The following TAFA2 variants were observed in gnomAD, a reference collection of about 807,000 sequenced individuals.
TAFA2 encodes the protein TAFA chemokine like family member 2, also known as chemokine-like protein TAFA-2.
TAFA2 carries 7 observed loss-of-function variants against 18.8 expected under a neutral mutation model. The ratio of observed to expected loss-of-function variants is 0.37; its 90% CI spans 0.21 to 0.70. The LOEUF is 0.70. TAFA2 is among the 30% of genes least tolerant of loss of function. The pLI, the probability that TAFA2 is intolerant of heterozygous loss-of-function variation, is 0.53. For missense variants in TAFA2, 122 were observed against 158.1 expected, an observed-to-expected ratio of 0.77 and a Z score of 1.23; for synonymous variants, 60 against 54.2, an observed-to-expected ratio of 1.11 and a Z score of -0.47.
chr12:61,747,898 T>G (rs1353768913), intron 4 of TAFA2, among the ~76,000 whole-genome samples: 1 of 152,078 alleles, frequency 6.6e-6, no homozygotes, highest in Non-Finnish European at 1.5e-5. Context: ...AAGAAATTTT[T>G]AGCCCAAAAA....
chr12:62,137,818 C>T (rs9738002), intron 1 of TAFA2, among the ~76,000 whole-genome samples: 18,164 of 152,038 alleles, frequency 0.12, 1,217 homozygotes, highest in East Asian at 0.32. Context: ...ATCACAGCAT[C>T]GCTCCTGTAT....
At chr12:61,987,760 G>T (rs1365401787) in intron 1 of TAFA2, among the ~76,000 whole-genome samples, 1 of 152,146 alleles carries the variant, frequency 6.6e-6, no homozygotes, top group African/African-American at 2.4e-5. Flanking sequence ...CTTACAAAAG[G>T]TCTCTTTTGT....
At chr12:61,946,285 A>G (rs997821535) in intron 1 of TAFA2, among the ~76,000 whole-genome samples, 1 of 151,044 alleles carries the variant, frequency 6.6e-6, no homozygotes, top group Non-Finnish European at 1.5e-5. Flanking sequence ...TCCCTTCCTT[A>G]CATCTTATAT....
intron 1 of TAFA2, among the ~76,000 whole-genome samples, chr12:62,244,900 T>C (rs1437982882): frequency 1.3e-5 from 2 of 152,208 alleles, no homozygotes; most frequent in South Asian, 2.1e-4. Flanking sequence ...TCTCTTTGTT[T>C]ATTTTCTTAC....
At chr12:62,092,328 C>A (rs9739661) in intron 1 of TAFA2, among the ~76,000 whole-genome samples, 28,228 of 151,902 alleles carry the variant, frequency 0.19, 2,864 homozygotes, top group East Asian at 0.39. Context: ...CCCCATTTCT[C>A]TTCAACTATT....
chr12:61,906,259 C>A (rs985663987), intron 1 of TAFA2, among the ~76,000 whole-genome samples: 1 of 152,162 alleles, frequency 6.6e-6, no homozygotes, highest in Non-Finnish European at 1.5e-5. Flanking sequence ...TTCCCATAAT[C>A]CGCAAATGTC....
intron 1 of TAFA2, among the ~76,000 whole-genome samples, chr12:62,067,431 T>G (rs528063512): frequency 7.4e-4 from 113 of 152,178 alleles, no homozygotes; most frequent in Non-Finnish European, 1.3e-3. Flanking sequence ...TTTCTTTTAG[T>G]AGTTTCAATG....
At chr12:61,897,543 G>A (rs1471040780) in intron 1 of TAFA2, among the ~76,000 whole-genome samples, 1 of 151,608 alleles carries the variant, frequency 6.6e-6, no homozygotes, top group South Asian at 2.1e-4. Flanking sequence ...GCAGGTGAGA[G>A]AGAGAGGAAT....
intron 1 of TAFA2, among the ~76,000 whole-genome samples, chr12:62,076,082 T>C (rs1868247457): frequency 2.0e-5 from 3 of 152,216 alleles, no homozygotes; most frequent in Admixed American, 6.5e-5. Context: ...ACAATATCTT[T>C]AACCTTTGAC....
At chr12:62,016,703 A>G (rs1880947715) in intron 1 of TAFA2, among the ~76,000 whole-genome samples, 1 of 152,266 alleles carries the variant, frequency 6.6e-6, no homozygotes. Flanking sequence ...CCTACCAATC[A>G]TTCATACCGA....
chr12:62,095,364 A>T (rs1331951766), intron 1 of TAFA2, among the ~76,000 whole-genome samples: 3 of 152,128 alleles, frequency 2.0e-5, no homozygotes, highest in Admixed American at 1.3e-4. Flanking sequence ...TGTTATTCTA[A>T]TCATGAGGAA....
At chr12:62,151,619 A>G (rs2062329064) in intron 1 of TAFA2, among the ~76,000 whole-genome samples, 1 of 152,232 alleles carries the variant, frequency 6.6e-6, no homozygotes, top group South Asian at 2.1e-4. Context: ...CATAGAGACA[A>G]AAATCCTTTA....
At chr12:62,248,609 G>A (rs185410247) in intron 1 of TAFA2, among the ~76,000 whole-genome samples, 7 of 152,218 alleles carry the variant, frequency 4.6e-5, no homozygotes, top group African/African-American at 9.6e-5. Flanking sequence ...TTGACTATAG[G>A]TACCAAGTCG....
intron 4 of TAFA2, among the ~76,000 whole-genome samples, chr12:61,744,697 G>A (rs1042881030): frequency 2.0e-5 from 3 of 151,954 alleles, no homozygotes; most frequent in African/African-American, 7.2e-5. Context: ...TGGGGGTACA[G>A]GTGAATGCCA....
intron 1 of TAFA2, among the ~76,000 whole-genome samples, chr12:62,115,832 G>A (rs151169741): frequency 9.2e-4 from 140 of 152,190 alleles, no homozygotes; most frequent in African/African-American, 3.3e-3. Context: ...GTGATTACAC[G>A]GTGTTCCTCA....
chr12:62,130,690 T>A (rs1870647087), intron 1 of TAFA2, among the ~76,000 whole-genome samples: 1 of 151,988 alleles, frequency 6.6e-6, no homozygotes, highest in Non-Finnish European at 1.5e-5. Flanking sequence ...TAGATCTATA[T>A]TACATGCTCC....
intron 1 of TAFA2, among the ~76,000 whole-genome samples, chr12:62,249,006 T>G (rs553646698): frequency 4.6e-5 from 7 of 152,144 alleles, no homozygotes; most frequent in African/African-American, 1.7e-4. Context: ...CAGACAGCAG[T>G]GAGCATGATA....
intron 1 of TAFA2, chr12:62,235,613 G>A (rs1034031221): frequency 4.9e-5 from 13 of 267,238 alleles, no homozygotes; most frequent in Non-Finnish European, 8.5e-5. Flanking sequence ...TGGTTGTTTT[G>A]TAACTCCTTT....
intron 1 of TAFA2, among the ~76,000 whole-genome samples, chr12:61,907,077 A>G (rs1876389405): frequency 6.6e-6 from 1 of 152,238 alleles, no homozygotes; most frequent in African/African-American, 2.4e-5. Context: ...TTGTAGCCTG[A>G]TGATGTGATA....
Sources: allele counts gnomAD v4.1 joint callset (sites outside exome capture counted in the v4.1 genomes callset), GRCh38; gene constraint gnomAD v4.1.1; transcripts MANE v1.5; gene names NCBI Gene and HGNC (gene_info 2026-07-23, HGNC 2026-07-21).